Variants in UBTD2 observed in about 807,000 individuals in gnomAD.
The protein encoded by UBTD2 is ubiquitin domain containing 2.
Under a neutral mutation model 19.8 loss-of-function variants are expected in UBTD2, and 9 were observed. That is an observed-to-expected ratio of 0.46 (90% CI 0.27 to 0.79). The LOEUF (loss-of-function observed/expected upper bound fraction) is 0.79. UBTD2 is among the 30% of genes least tolerant of loss of function. UBTD2 has a pLI of 0.14. For missense variants in UBTD2, 250 were observed against 300.4 expected (o/e 0.83, Z 1.24); for synonymous variants, 98 against 103.9 (o/e 0.94, Z 0.35).
At chr5:172,268,773 A>AGAG (rs140621424) in intron 1 of UBTD2, among the ~76,000 whole-genome samples, 2 of 152,192 alleles carry the variant, frequency 1.3e-5, no homozygotes. Context: ...ATAGGGAAGA[A>AGAG]GAGGAGGAGG....
intron 1 of UBTD2, among the ~76,000 whole-genome samples, chr5:172,243,249 A>G (rs936601302): frequency 4.6e-5 from 7 of 151,988 alleles, no homozygotes; most frequent in Admixed American, 3.9e-4. Flanking sequence ...TCTGACCCTG[A>G]TATCACTTAC....
At chr5:172,227,312 C>T (rs767899985) in intron 2 of UBTD2, among the ~76,000 whole-genome samples, 1 of 152,162 alleles carries the variant, frequency 6.6e-6, no homozygotes, top group Non-Finnish European at 1.5e-5. Flanking sequence ...AACTGGAATA[C>T]ATTTACAATT....
chr5:172,275,057 A>G (rs1389821425), intron 1 of UBTD2, among the ~76,000 whole-genome samples: 1 of 152,180 alleles, frequency 6.6e-6, no homozygotes, highest in African/African-American at 2.4e-5. Flanking sequence ...ACTGCCTGAG[A>G]CTAGGTAATT....
chr5:172,212,485 G>C (rs1771470671), intron 2 of UBTD2, among the ~76,000 whole-genome samples: 1 of 152,006 alleles, frequency 6.6e-6, no homozygotes. Flanking sequence ...CATTAAAATG[G>C]CATACAACTC....
intron 1 of UBTD2, among the ~76,000 whole-genome samples, chr5:172,235,481 A>G (rs182917649): frequency 3.3e-5 from 5 of 152,280 alleles, no homozygotes; most frequent in Admixed American, 3.3e-4. Flanking sequence ...AGTTTTTTTG[A>G]GGAACTGGGA....
intron 1 of UBTD2, among the ~76,000 whole-genome samples, chr5:172,268,735 T>A (rs1755425617): frequency 6.6e-6 from 1 of 151,894 alleles, no homozygotes; most frequent in Admixed American, 6.6e-5. Flanking sequence ...GGCAACAAAG[T>A]GAGACTCCAT....
intron 2 of UBTD2, among the ~76,000 whole-genome samples, chr5:172,213,558 TA>T (rs370098300): frequency 1.3e-5 from 2 of 152,286 alleles, no homozygotes; most frequent in African/African-American, 2.4e-5. Context: ...CTCAAGGTTT[TA>T]AAAAAATGCA....
At chr5:172,225,610 CA>C (rs1280443971) in intron 2 of UBTD2, among the ~76,000 whole-genome samples, 1 of 152,154 alleles carries the variant, frequency 6.6e-6, no homozygotes, top group Non-Finnish European at 1.5e-5. Context: ...ACTACATGAA[CA>C]GGTTTGTAAA....
chr5:172,240,753 G>C (rs1485103705), intron 1 of UBTD2, among the ~76,000 whole-genome samples: 2 of 152,010 alleles, frequency 1.3e-5, no homozygotes, highest in Non-Finnish European at 2.9e-5. Context: ...CAACTTTATT[G>C]AGAAAGATAA....
In UBTD2 at chr5:172,229,686, A is replaced by G. The variant is rs1771851743; in HGVS notation, c.307+4436T>C. On this transcript the variant is annotated intron_variant, in intron 2 of 2. Transcript: ENST00000393792. ...AGGAAGGGAGTAGGCAATTCCTAAAATCCTTTTAAATCTTCTATATCATAA... is the reference window on the plus strand; with the variant it reads ...AGGAAGGGAGTAGGCAATTCCTAAAGTCCTTTTAAATCTTCTATATCATAA... 2.0e-5 allele frequency among the ~76,000 whole-genome samples: 3 copies of G among 152,120 alleles called. No individual in the cohort carries two copies. In the South Asian group the frequency reaches 6.2e-4, roughly 31 times the overall value.
chr5:172,249,658 G>A (rs1036543019), intron 1 of UBTD2, among the ~76,000 whole-genome samples: 1 of 152,062 alleles, frequency 6.6e-6, no homozygotes, highest in Non-Finnish European at 1.5e-5. Flanking sequence ...GCCCAGCCTG[G>A]TCAAAATAGC....
intron 2 of UBTD2, among the ~76,000 whole-genome samples, chr5:172,226,967 A>C (rs1351812991): frequency 6.6e-6 from 1 of 152,194 alleles, no homozygotes; most frequent in Non-Finnish European, 1.5e-5. Context: ...CATGATTAAG[A>C]GCTTGTGTAA....
Position 172,211,748 on chromosome 5 carries a change from T to C in UBTD2, c.*82A>G, listed in dbSNP as rs1771451587. ...AGGGAATTTAGAGCAGTGAAATAGA[T>C]TTCACGCCGCAGAGTAGGAAATGAC... On this transcript the variant is annotated 3_prime_UTR_variant, in exon 3 of 3. Coordinates refer to ENST00000393792, the MANE Select transcript of UBTD2 (RefSeq NM_152277.3). The C allele has an allele frequency of 7.0e-7, 1 of 1,426,344 alleles. No homozygotes were observed. Among genetic ancestry groups the C allele is most frequent in the African/African-American group, 1.4e-5 (1 of 70,344 alleles). The allele number at this position is 1,426,344 out of a possible 1,614,324, so 88.4% of individuals were successfully genotyped here. A position where few individuals can be genotyped will look rare whatever the true frequency, so the allele number is the denominator to read the frequency against.
rs758373840 is a variant in UBTD2, at chr5:172,210,397, T to C, written c.*1433A>G. 6.6e-6 allele frequency: 1 copy of C among 152,238 alleles called. No homozygotes were observed. Among genetic ancestry groups the C allele is most frequent in the African/African-American group, 2.4e-5 (1 of 41,468 alleles). 9.4% of individuals were successfully genotyped at this position (152,238 alleles called of 1,614,324 possible). On this transcript the variant is annotated 3_prime_UTR_variant, in exon 3 of 3. Coordinates refer to ENST00000393792, the MANE Select transcript of UBTD2 (RefSeq NM_152277.3). ...CGTTAAGTGCCTTCTTGTCTGTACT[T>C]TTCCATCTCATGGATTCTCAGGGGC...
intron 1 of UBTD2, chr5:172,254,405 G>T (rs185198777): frequency 2.0e-4 from 72 of 363,328 alleles, no homozygotes; most frequent in African/African-American, 1.3e-3. Context: ...CCTCCATGTG[G>T]CTTTTCCTAT....
chr5:172,240,719 T>C (rs889622112), intron 1 of UBTD2, among the ~76,000 whole-genome samples: 5 of 152,132 alleles, frequency 3.3e-5, no homozygotes, highest in African/African-American at 9.7e-5. Context: ...AATCACACAA[T>C]TAAGTCCTCC....
At position 172,209,898 on chromosome 5, in the gene UBTD2, T is replaced by C. The variant is rs890574451; in HGVS notation, c.*1932A>G. The C allele has an allele frequency of 6.6e-6, 1 of 152,606 alleles. No individual in the cohort carries two copies. Among genetic ancestry groups the C allele is most frequent in the African/African-American group, 2.4e-5 (1 of 41,454 alleles). The allele number at this position is 152,606 out of a possible 1,614,324, so 9.5% of individuals were successfully genotyped here. On this transcript the variant is annotated 3_prime_UTR_variant, in exon 3 of 3. Coordinates refer to ENST00000393792, the MANE Select transcript of UBTD2 (RefSeq NM_152277.3). ...AAAGACCTTTTACCAATCGATATCATAGATATTGATGACATCACCAAATCT... is the reference window on the plus strand; with the variant it reads ...AAAGACCTTTTACCAATCGATATCACAGATATTGATGACATCACCAAATCT...
At position 172,277,408 on chromosome 5, in the gene UBTD2, T is replaced by G. The variant is rs181743613; in HGVS notation, c.70+6188A>C. ...AAAAAATAGATAAATCGGACATCAT[T>G]AAAATTACAAACTTTAGGTGATGCA... On this transcript the variant is annotated intron_variant, in intron 1 of 2. Coordinates refer to ENST00000393792, the MANE Select transcript of UBTD2 (RefSeq NM_152277.3). Among the ~76,000 whole-genome samples the G allele has an allele frequency of 5.3e-5, 8 of 152,220 alleles. No homozygotes were observed. In the East Asian group the frequency reaches 5.8e-4, roughly 11 times the overall value.
At chr5:172,260,824 T>G (rs1309039031) in intron 1 of UBTD2, among the ~76,000 whole-genome samples, 2 of 152,228 alleles carry the variant, frequency 1.3e-5, no homozygotes, top group Non-Finnish European at 2.9e-5. Context: ...AACTTTTAAC[T>G]TCAAAATTAT....
Sources: allele counts gnomAD v4.1 joint callset (sites outside exome capture counted in the v4.1 genomes callset), GRCh38; gene constraint gnomAD v4.1.1; transcripts MANE v1.5; gene names NCBI Gene and HGNC (gene_info 2026-07-23, HGNC 2026-07-21).